The following CDCA7 variants were observed in gnomAD, a reference collection of about 807,000 sequenced individuals.
CDCA7 encodes the protein cell division cycle associated 7.
A neutral mutation model predicts 54.0 loss-of-function variants in CDCA7; 28 were observed. The ratio of observed to expected loss-of-function variants is 0.52; its 90% CI spans 0.38 to 0.71. The LOEUF (loss-of-function observed/expected upper bound fraction) is 0.71. CDCA7 is among the 30% of genes least tolerant of loss of function. The pLI is 0.00. For missense variants in CDCA7, 484 were observed against 586.0 expected (o/e 0.83, Z 1.80); for synonymous variants, 180 against 208.2 (o/e 0.86, Z 1.16).
At chr2:173,364,307 A>G (rs1208761755) in intron 5 of CDCA7, 2 of 166,886 alleles carry the variant, frequency 1.2e-5, no homozygotes, top group Non-Finnish European at 1.3e-5. Flanking sequence ...GCTTGGTATC[A>G]TACACAATTG....
intron 5 of CDCA7, 184 bp downstream of exon 5, chr2:173,364,079 C>G: frequency 1.9e-6 from 1 of 520,292 alleles, no homozygotes; most frequent in South Asian, 3.0e-5. Context: ...TTTGGTCTCT[C>G]CTTGCTGTGC....
At chr2:173,364,599 G>GTTT in intron 5 of CDCA7, 196 bp from the exon 6 acceptor site, 1 of 540,666 alleles carries the variant, frequency 1.8e-6, no homozygotes, top group Non-Finnish European at 2.9e-6. Flanking sequence ...ACTGGGCTTG[G>GTTT]TATTACAAAA....
intron 3 of CDCA7, among the ~76,000 whole-genome samples, chr2:173,359,748 G>A (rs893359465): frequency 2.6e-5 from 4 of 152,110 alleles, no homozygotes; most frequent in Admixed American, 6.5e-5. Flanking sequence ...CCAGATTTTC[G>A]TTTCCACAAA....
At chr2:173,365,883 C>T (rs145094319) in intron 7 of CDCA7, among the ~76,000 whole-genome samples, 198 of 152,302 alleles carry the variant, frequency 1.3e-3, no homozygotes, top group Middle Eastern at 0.01. Context: ...GTATACATAG[C>T]TAGGTGCTGG....
Position 173,358,744 on chromosome 2 carries a change from G to T in CDCA7, c.54G>T (p.Lys18Asn). 3 of 1,613,924 alleles carry T rather than the reference G, an allele frequency of 1.9e-6. No homozygotes were observed. Among genetic ancestry groups the T allele is most frequent in the Non-Finnish European group, 2.5e-6 (3 of 1,179,908 alleles). The change falls in exon 2 of 10, where the codon AAG becomes AAT. Residue 18 changes from lysine to asparagine, a missense_variant. Physicochemically the swap from Lys to Asn is moderately conservative, Grantham distance 94 (BLOSUM62 0). Coordinates refer to ENST00000306721, the MANE Select transcript of CDCA7 (RefSeq NM_031942.5). ...QKDLRVKKNL[K>N]KFRYVKLISM... ...ATCTCAGAGTAAAGAAGAACTTAAA[G>T]AAATTCAGATATGTGAAGTTGATTT...
intron 3 of CDCA7, 114 bp from the exon 4 acceptor site, chr2:173,363,112 A>G (rs1686653543): frequency 1.0e-6 from 1 of 980,532 alleles, no homozygotes; most frequent in Admixed American, 2.0e-5. Context: ...CAGAGGTATC[A>G]ATGTTCAGTT....
At chr2:173,356,830 C>G (rs984707122) in intron 1 of CDCA7, among the ~76,000 whole-genome samples, 2 of 152,194 alleles carry the variant, frequency 1.3e-5, no homozygotes, top group African/African-American at 4.8e-5. Flanking sequence ...TATTTAGTAG[C>G]TCTACCTTTT....
intron 1 of CDCA7, among the ~76,000 whole-genome samples, chr2:173,357,079 G>C (rs1315700345): frequency 6.6e-6 from 1 of 152,174 alleles, no homozygotes; most frequent in Non-Finnish European, 1.5e-5. Flanking sequence ...CCCTTTCAAA[G>C]TTTTCAGTGT....
At chr2:173,360,715 A>C (rs1180654134) in intron 3 of CDCA7, among the ~76,000 whole-genome samples, 1 of 152,116 alleles carries the variant, frequency 6.6e-6, no homozygotes, top group Non-Finnish European at 1.5e-5. Flanking sequence ...AGGCCCAAGC[A>C]ATCCTCCCGT....
chr2:173,354,879 C>A lies in CDCA7; in HGVS notation c.-85C>A. On this transcript the variant is annotated 5_prime_UTR_variant, in exon 1 of 10. The change creates a new upstream start codon in the 5' untranslated region. Transcript: ENST00000306721. The stretch of plus-strand genomic sequence containing the variant: ...GCCCAGCCTGCCAGCCGCGCTGCTG[C>A]TGCTCCTCCTGCTGTGGGACCGCTG... 7.3e-7 allele frequency: 1 copy of A among 1,372,264 alleles called. No homozygotes were observed. The highest frequency in any genetic ancestry group is 9.5e-7 in the Non-Finnish European group (1 of 1,048,420). 85.0% of individuals were successfully genotyped at this position (1,372,264 alleles called of 1,614,324 possible). A position where few individuals can be genotyped will look rare whatever the true frequency, so the allele number is the denominator to read the frequency against.
At position 173,367,874 on chromosome 2, in the gene CDCA7, T is replaced by C; in HGVS notation, c.*210T>C. 1.7e-6 allele frequency: 1 copy of C among 602,468 alleles called. No homozygotes were observed. Among genetic ancestry groups the C allele is most frequent in the Non-Finnish European group, 2.9e-6 (1 of 339,140 alleles). 37.3% of individuals were successfully genotyped at this position (602,468 alleles called of 1,614,324 possible). A position where few individuals can be genotyped will look rare whatever the true frequency, so the allele number is the denominator to read the frequency against. On this transcript the variant is annotated 3_prime_UTR_variant, in exon 10 of 10. Transcript: ENST00000306721. ...CTTTGCCCTCCTGCAGTTTCTTCTC[T>C]GCTCCCAACCCCCATCTCACAGCAT...
chr2:173,364,360 G>A (rs1360945063), intron 5 of CDCA7: 1 of 164,368 alleles, frequency 6.1e-6, no homozygotes, highest in Non-Finnish European at 1.3e-5. Flanking sequence ...GAGATTTGGT[G>A]TGTCTGCTGT....
At chr2:173,357,254 T>C (rs1159536692) in intron 1 of CDCA7, among the ~76,000 whole-genome samples, 1 of 152,224 alleles carries the variant, frequency 6.6e-6, no homozygotes, top group Non-Finnish European at 1.5e-5. Context: ...TGCCAGGCTG[T>C]TCAGTATTTA....
intron 3 of CDCA7, 127 bp downstream of exon 3, chr2:173,359,618 A>T (rs1180590002): frequency 3.9e-6 from 3 of 762,396 alleles, no homozygotes; most frequent in South Asian, 3.7e-5. Flanking sequence ...CCTTTTAAAA[A>T]TTTTTAGTGT....
chr2:173,355,760 G>T (rs1686490057), intron 1 of CDCA7, among the ~76,000 whole-genome samples: 1 of 149,100 alleles, frequency 6.7e-6, no homozygotes, highest in South Asian at 2.1e-4. Flanking sequence ...AAGCCAGAAC[G>T]TAGGGTCGGG....
rs1487441552 is a variant in CDCA7 at position 173,367,786 on chromosome 2, A to G, written c.*122A>G. On this transcript the variant is annotated 3_prime_UTR_variant, in exon 10 of 10. Coordinates refer to ENST00000306721, the MANE Select transcript of CDCA7 (RefSeq NM_031942.5). The stretch of plus-strand genomic sequence containing the variant: ...TCAGCCTGTTTCATAAGAAACTCCA[A>G]TCAAGTTAATCTTAGCAGACATGTG... The G allele has an allele frequency of 5.9e-6, 6 of 1,018,936 alleles. No homozygotes were observed. Among genetic ancestry groups the G allele is most frequent in the Admixed American group, 3.6e-5 (2 of 55,508 alleles). 63.1% of individuals were successfully genotyped at this position (1,018,936 alleles called of 1,614,324 possible).
intron 1 of CDCA7, 49 bp downstream of exon 1, chr2:173,355,033 A>G: frequency 7.6e-7 from 1 of 1,310,454 alleles, no homozygotes; most frequent in Non-Finnish European, 9.7e-7. Flanking sequence ...TGGGTGCTGG[A>G]CGCAGGCGGG....
Position 173,367,906 on chromosome 2 carries a change from C to G in CDCA7, c.*242C>G. On this transcript the variant is annotated 3_prime_UTR_variant, in exon 10 of 10. Transcript: ENST00000306721. ...AACCCCCATCTCACAGCATCCCCCT[C>G]TATTTCCAATGCTCCTCTCCAACCG... is the stretch of plus-strand genomic sequence containing the variant. The G allele has an allele frequency of 3.6e-6, 2 of 559,530 alleles. No homozygotes were observed. Among genetic ancestry groups the G allele is most frequent in the Non-Finnish European group, 6.3e-6 (2 of 315,690 alleles). The allele number at this position is 559,530 out of a possible 1,614,324, so 34.7% of individuals were successfully genotyped here.
At chr2:173,363,202 T>C in intron 3 of CDCA7, 24 bp from the exon 4 acceptor site, 1 of 1,609,506 alleles carries the variant, frequency 6.2e-7, no homozygotes, top group East Asian at 2.2e-5. Context: ...GATCAAGTCC[T>C]AATGACTCAA....
Sources: gnomAD v4.1 joint callset for allele counts (sites outside exome capture counted in the v4.1 genomes callset) on GRCh38, gnomAD v4.1.1 for gene constraint, MANE v1.5 for transcripts, NCBI Gene and HGNC (gene_info 2026-07-23, HGNC 2026-07-21) for gene names.